Variants in AKNA observed in about 807,000 individuals in gnomAD.
AKNA encodes the protein AT-hook transcription factor.
In AKNA, 67 loss-of-function variants were observed where a neutral mutation model predicts 138.8. The ratio of observed to expected loss-of-function variants is 0.48; its 90% CI spans 0.40 to 0.59. The LOEUF (loss-of-function observed/expected upper bound fraction) is 0.59. Among genes scored for constraint, AKNA ranks in the 20% least tolerant of loss-of-function variants. The probability of loss-of-function intolerance (pLI) is 0.00; values close to 1 mark genes in which losing one functional copy is unlikely to be tolerated. For missense variants in AKNA, 1,813 were observed against 1,880.4 expected (o/e 0.96, Z 0.66); for synonymous variants, 737 against 754.4 (o/e 0.98, Z 0.38).
chr9:114,373,625 C>T (rs1265032699), intron 4 of AKNA, among the ~76,000 whole-genome samples: 4 of 151,730 alleles, frequency 2.6e-5, no homozygotes, highest in African/African-American at 4.8e-5. Flanking sequence ...CCTGTAATCC[C>T]AGCAGCACTT....
At chr9:114,339,104 G>C (rs949868339) in intron 21 of AKNA, among the ~76,000 whole-genome samples, 2 of 152,086 alleles carry the variant, frequency 1.3e-5, no homozygotes, top group African/African-American at 4.8e-5. Context: ...ATCATAAATC[G>C]AACCATTGTA....
chr9:114,352,661 G>A (rs1453269835), intron 14 of AKNA, among the ~76,000 whole-genome samples: 2 of 148,766 alleles, frequency 1.3e-5, no homozygotes, highest in Non-Finnish European at 3.0e-5. Context: ...GGTGGCTCAT[G>A]CCGGTAATCC....
At chr9:114,330,705 G>T (rs1288130572), downstream of AKNA, 6 of 1,598,776 alleles carry the variant, frequency 3.8e-6, no homozygotes, top group Admixed American at 1.7e-5. Flanking sequence ...ATCTCCACCA[G>T]ACTCTTGCCC....
chr9:114,330,819 T>G (rs762782171), downstream of AKNA: 36 of 1,613,938 alleles, frequency 2.2e-5, no homozygotes, highest in Non-Finnish European at 3.1e-5. Flanking sequence ...ATAACTCCAG[T>G]TACCTGAATG....
chr9:114,376,878 C>T lies in AKNA; in HGVS notation c.929G>A (p.Arg310Gln), dbSNP rs762007276. 60 of 1,614,028 alleles carry T rather than the reference C, an allele frequency of 3.7e-5. No individual in the cohort carries two copies. Among genetic ancestry groups the T allele is most frequent in the Non-Finnish European group, 4.3e-5 (51 of 1,180,020 alleles). The change falls in exon 3 of 22, where the codon CGA becomes CAA. Residue 310 changes from arginine (R) to glutamine (Q), a missense_variant. Transcript: ENST00000374088. ...TKTSPKPLPS[R>Q]FIGSISPLNP... ...CAGGGGGCTGATGGAGCCAATGAAT[C>T]GGGAAGGGAGTGGCTTAGGTGACGT...
rs1831483212 is a variant in AKNA at position 114,356,088 on chromosome 9, A to G, written c.2895T>C (p.Asp965=). Residue 965 remains aspartate (D), a synonymous_variant, in exon 14 of 22, where the codon GAT becomes GAC. Coordinates refer to ENST00000374088, the MANE Select transcript of AKNA (RefSeq NM_001317950.2). ...CCCTGGCCTTGGGGTAGGAAGCTCC[A>G]TCCCTGGGCACAGATGCAGCAAAGG... is the stretch of plus-strand genomic sequence containing the variant. ...AQPFAASVPR[D]GASYPKARGS... The G allele has an allele frequency of 6.2e-7, 1 of 1,614,124 alleles. No homozygotes were observed. The highest frequency in any genetic ancestry group is 1.7e-5 in the Admixed American group (1 of 60,004).
At chr9:114,341,983 AGAG>A in intron 20 of AKNA, 23 bp downstream of exon 20, 1 of 1,591,258 alleles carries the variant, frequency 6.3e-7, no homozygotes. Context: ...GGTCTGGCTA[AGAG>A]AAGAAACAGT....
chr9:114,368,278 A>T, intron 5 of AKNA, 161 bp downstream of exon 5: 1 of 784,128 alleles, frequency 1.3e-6, no homozygotes, highest in Non-Finnish European at 1.8e-6. Flanking sequence ...CACTTTCCAC[A>T]TCTCTGACCC....
rs758599254 is a variant in AKNA, at chr9:114,342,068, G to A, written c.3815C>T (p.Pro1272Leu). ...GPPPADTLQC[P>L]LCGQVGSPPE... The stretch of plus-strand genomic sequence containing the variant: ...GGGAGACCCAACTTGACCACACAGG[G>A]GACACTGAAGGGTATCAGCGGGAGG... Residue 1272 changes from proline to leucine, a missense_variant, in exon 20 of 22, where the codon CCC (proline) becomes CTC (leucine). Physicochemically the swap from Pro to Leu is moderately conservative, Grantham distance 98. Transcript: ENST00000374088. 31 of 1,613,562 alleles carry A rather than the reference G, an allele frequency of 1.9e-5. No individual in the cohort carries two copies. In the South Asian group the frequency reaches 3.2e-4, roughly 17 times the overall value.
At chr9:114,377,667 A>T in intron 2 of AKNA, 135 bp from the exon 3 acceptor site, 1 of 931,164 alleles carries the variant, frequency 1.1e-6, no homozygotes. Context: ...AGGTGGTGGT[A>T]GACTTAGCCA....
rs138693566 is a variant in AKNA, at chr9:114,341,652, C to G, written c.3948G>C (p.Gly1316=). Residue 1316 remains glycine, a synonymous_variant, in exon 21 of 22, where the codon GGG becomes GGC. Coordinates refer to ENST00000374088, the MANE Select transcript of AKNA (RefSeq NM_001317950.2). ...PSPKQRSKQA[G]SSPRPPPGLW... ...GTCCGGGGGGTGGGCGTGGCGACGA[C>G]CCCGCCTGCTTGCTCCTCTGCTTGG... 9 of 1,609,810 alleles carry G rather than the reference C, an allele frequency of 5.6e-6. No individual in the cohort carries two copies. The South Asian group carries it at 9.9e-5, about 18-fold the overall frequency.
Position 114,336,857 on chromosome 9 carries a change from C to T in AKNA, c.*197G>A. 1.6e-6 allele frequency: 1 copy of T among 624,208 alleles called. No individual in the cohort carries two copies. Among genetic ancestry groups the T allele is most frequent in the Non-Finnish European group, 2.4e-6 (1 of 410,134 alleles). The allele number at this position is 624,208 out of a possible 1,614,324, so 38.7% of individuals were successfully genotyped here. The stretch of plus-strand genomic sequence containing the variant: ...GGGGACTGGTGCTCCTGGGAAGTCA[C>T]TTCTCTTGGTGACCGAGCTGACACC... On this transcript the variant is annotated 3_prime_UTR_variant, in exon 22 of 22. Coordinates refer to ENST00000374088, the MANE Select transcript of AKNA (RefSeq NM_001317950.2).
At chr9:114,332,995 T>A (rs1369246462), downstream of AKNA, 2 of 1,598,670 alleles carry the variant, frequency 1.3e-6, no homozygotes, top group Non-Finnish European at 1.7e-6. Flanking sequence ...CATTCTGCCC[T>A]CTCCCCGGAA....
At chr9:114,361,605 GCACA>G in intron 9 of AKNA, 95 bp downstream of exon 9, 1 of 1,354,946 alleles carries the variant, frequency 7.4e-7, no homozygotes, top group Admixed American at 1.7e-5. Context: ...CTGGCATATG[GCACA>G]CACTTCATAA....
At position 114,343,771 on chromosome 9, in the gene AKNA, C is replaced by A. The variant is rs755201054; in HGVS notation, c.3694G>T (p.Val1232Phe). Residue 1232 changes from valine (V) to phenylalanine (F), a missense_variant, in exon 19 of 22, where the codon GTC becomes TTC. Coordinates refer to ENST00000374088, the MANE Select transcript of AKNA (RefSeq NM_001317950.2). ...GAGACTGTGCCATTGCCTTTTGGGA[C>A]CGCCTTAGGGGACAGAACATGGTAT... ...HEYHVLSPKAVPKGNGTVSCP... is the reference protein window; with the variant it reads ...HEYHVLSPKAFPKGNGTVSCP... The A allele has an allele frequency of 6.2e-7, 1 of 1,614,094 alleles. No homozygotes were observed. The highest frequency in any genetic ancestry group is 1.1e-5 in the South Asian group (1 of 91,082).
At chr9:114,386,339 G>T (rs1834028503) in intron 1 of AKNA, among the ~76,000 whole-genome samples, 1 of 152,140 alleles carries the variant, frequency 6.6e-6, no homozygotes, top group Non-Finnish European at 1.5e-5. Flanking sequence ...AAACAATGAG[G>T]ATTTGGGGGA....
In AKNA at chr9:114,356,866, A is replaced by ATGTGGGAGAGCCGGTGCTCTGGAG; in HGVS notation, c.2819_2842dup (p.Thr940_His947dup). The ATGTGGGAGAGCCGGTGCTCTGGAG allele has an allele frequency of 6.5e-7, 1 of 1,546,946 alleles. No individual in the cohort carries two copies. Among genetic ancestry groups the ATGTGGGAGAGCCGGTGCTCTGGAG allele is most frequent in the South Asian group, 1.2e-5 (1 of 80,506 alleles). On this transcript the variant is annotated inframe_insertion, in exon 13 of 22. Transcript: ENST00000374088. ...CAATGGCGGGATCCCGGGATACCTG[A>ATGTGGGAGAGCCGGTGCTCTGGAG]TGTGGGAGAGCCGGTGCTCTGGAGT...
intron 21 of AKNA, among the ~76,000 whole-genome samples, chr9:114,340,803 A>G (rs1361517897): frequency 6.6e-6 from 1 of 152,136 alleles, no homozygotes; most frequent in Non-Finnish European, 1.5e-5. Flanking sequence ...AAAGTCCTAC[A>G]ATATTCCCGA....
In AKNA at chr9:114,368,559, T is replaced by A; in HGVS notation, c.1453A>T (p.Ser485Cys). 7.1e-7 allele frequency: 1 copy of A among 1,399,162 alleles called. No individual in the cohort carries two copies. 86.7% of individuals were successfully genotyped at this position (1,399,162 alleles called of 1,614,324 possible). The change falls in exon 5 of 22, where the codon AGC (serine) becomes TGC (cysteine). Residue 485 changes from serine to cysteine, a missense_variant. By Grantham distance (112) the Ser-to-Cys change is moderately radical. Coordinates refer to ENST00000374088, the MANE Select transcript of AKNA (RefSeq NM_001317950.2). Reference sequence around the variant, plus strand: ...TGGGGCACCATTCCCGTGTGGATGCTGTGGTTGGGCTGGGGTGGGTCAGAG... The same window carrying A: ...TGGGGCACCATTCCCGTGTGGATGCAGTGGTTGGGCTGGGGTGGGTCAGAG... ...LFSDPPQPNH[S>C]IHTGMVPQGT... is the part of the protein sequence containing the mutation.
Sources: allele counts gnomAD v4.1 joint callset (sites outside exome capture counted in the v4.1 genomes callset), GRCh38; gene constraint gnomAD v4.1.1; transcripts MANE v1.5; gene names NCBI Gene and HGNC (gene_info 2026-07-23, HGNC 2026-07-21).